WDR86: variants seen among roughly 807,000 people sequenced by gnomAD.
WDR86 encodes WD repeat-containing protein 86.
In WDR86, 30 loss-of-function variants were observed where a neutral mutation model predicts 36.5. The ratio of observed to expected loss-of-function variants is 0.82; its 90% confidence interval spans 0.61 to 1.11. The LOEUF is 1.11. WDR86 is among the 50% of genes most tolerant of loss of function. The pLI, the probability that WDR86 is intolerant of heterozygous loss-of-function variation, is 0.00. For missense variants in WDR86, 545 were observed against 561.2 expected (o/e 0.97, Z 0.29); for synonymous variants, 255 against 252.9 (o/e 1.01, Z -0.08).
chr7:151,395,673 C>T (rs1299742309), intron 3 of WDR86, 103 bp downstream of exon 3: 10 of 1,365,590 alleles, frequency 7.3e-6, no homozygotes, highest in East Asian at 2.5e-5. Flanking sequence ...CCATCTGCAG[C>T]GCTTTGTTAT....
chr7:151,391,073 G>C (rs955213440), intron 3 of WDR86, among the ~76,000 whole-genome samples: 3 of 152,240 alleles, frequency 2.0e-5, no homozygotes, highest in Admixed American at 6.5e-5. Flanking sequence ...TCCTGGACCC[G>C]AGAGGGCCAA....
rs865838692 is a variant in WDR86, at chr7:151,401,576, G to A, written c.164-1335C>T. ...GCCGCAGAGGGAATGGCACATGTTC[G>A]CTATTTTCCTTACACTGGGGAGAGA... On this transcript the variant is annotated intron_variant, in intron 1 of 5. Coordinates refer to ENST00000334493, the MANE Select transcript of WDR86 (RefSeq NM_198285.3). This position sits in a 1 kb window ranked among gnomAD's most constrained non-coding sequence, Gnocchi z 4.3. Among the ~76,000 whole-genome samples, 16 of 152,252 alleles carry A rather than the reference G, an allele frequency of 1.1e-4. No homozygotes were observed. Among genetic ancestry groups the A allele is most frequent in the Middle Eastern group, 3.4e-3 (1 of 294 alleles).
chr7:151,386,976 C>T (rs761768708), intron 3 of WDR86, among the ~76,000 whole-genome samples: 1 of 152,234 alleles, frequency 6.6e-6, no homozygotes, highest in Non-Finnish European at 1.5e-5. Context: ...GATCCTTCTT[C>T]GCACCGCCCC....
At chr7:151,376,887 G>A, downstream of WDR86, 8 of 1,481,924 alleles carry the variant, frequency 5.4e-6, no homozygotes, top group Middle Eastern at 1.8e-4. Flanking sequence ...CCTAAGCCAC[G>A]GCAGATGTGG....
rs2150770396 is a variant in WDR86, at chr7:151,388,126, A to G, written c.727-2903T>C. On this transcript the variant is annotated intron_variant, in intron 3 of 5. Transcript: ENST00000334493. The surrounding 1 kb of genome is among the most constrained non-coding windows in gnomAD (Gnocchi z 4.2). The stretch of plus-strand genomic sequence containing the variant: ...TACGACAGGGCTTTTGCAGCCAGAG[A>G]CTGCCCCACGACATCCTTGCTGTGG... Among the ~76,000 whole-genome samples the G allele has an allele frequency of 6.6e-6, 1 of 152,302 alleles. No homozygotes were observed. The highest frequency in any genetic ancestry group is 1.9e-4 in the East Asian group (1 of 5,174).
At chr7:151,379,245 A>C (rs1798447471), downstream of WDR86, among the ~76,000 whole-genome samples, 2 of 152,148 alleles carry the variant, frequency 1.3e-5, no homozygotes, top group African/African-American at 4.8e-5. Context: ...TGCTGATCAC[A>C]GCGGGGAGGT....
Position 151,400,167 on chromosome 7 carries a change from T to C in WDR86, c.238A>G (p.Arg80Gly). 6.2e-7 allele frequency: 1 copy of C among 1,612,532 alleles called. No homozygotes were observed. The highest frequency in any genetic ancestry group is 8.5e-7 in the Non-Finnish European group (1 of 1,179,286). ...TGCCCGGTCAGCACGTCCCACCTCC[T>C]GATGGTGCAGTCGGCGCTGCATGTG... is the stretch of plus-strand genomic sequence containing the variant. ...AFTCSADCTIRRWDVLTGQCL... is the reference protein window; with the variant it reads ...AFTCSADCTIGRWDVLTGQCL... The change falls in exon 2 of 6, where the codon AGG becomes GGG. Residue 80 changes from arginine (R) to glycine (G), a missense_variant. By Grantham distance (125) the Arg-to-Gly change is moderately radical. Transcript: ENST00000334493.
At chr7:151,376,395 C>T (rs973949095), downstream of WDR86, 4 of 529,354 alleles carry the variant, frequency 7.6e-6, no homozygotes, top group East Asian at 3.1e-5. Context: ...GCTCTCAGCC[C>T]GAGGTCACTG....
intron 3 of WDR86, among the ~76,000 whole-genome samples, chr7:151,389,569 C>G (rs900211909): frequency 9.9e-5 from 15 of 152,198 alleles, no homozygotes; most frequent in African/African-American, 3.4e-4. Flanking sequence ...AGAGGCGACA[C>G]AATGGGGCTC....
At chr7:151,394,333 T>C (rs960007016) in intron 3 of WDR86, among the ~76,000 whole-genome samples, 2 of 152,180 alleles carry the variant, frequency 1.3e-5, no homozygotes, top group Admixed American at 6.5e-5. Context: ...GGGCCGCCTC[T>C]ACCCCTACAA....
chr7:151,379,483 C>G (rs192117561), downstream of WDR86, among the ~76,000 whole-genome samples: 12 of 152,276 alleles, frequency 7.9e-5, no homozygotes, highest in African/African-American at 2.9e-4. Flanking sequence ...CTTGTTTCTT[C>G]ATTCATAGCA....
chr7:151,378,317 T>C (rs1798406893), downstream of WDR86: 1 of 152,240 alleles, frequency 6.6e-6, no homozygotes, highest in Non-Finnish European at 1.5e-5. Context: ...GGATGGATCA[T>C]GCGGAGCCGG....
chr7:151,396,658 G>C (rs2150816544), intron 2 of WDR86, among the ~76,000 whole-genome samples: 1 of 145,060 alleles, frequency 6.9e-6, no homozygotes, highest in Admixed American at 7.0e-5. Context: ...GGACACGCTG[G>C]TCACCCTGGG....
At chr7:151,371,796 G>A (rs1797970556), downstream of WDR86, among the ~76,000 whole-genome samples, 2 of 152,112 alleles carry the variant, frequency 1.3e-5, no homozygotes, top group Admixed American at 6.5e-5. Context: ...CAGGCTGGAG[G>A]GCAGTGGCGT....
At position 151,409,395 on chromosome 7, in the gene WDR86, G is replaced by A; in HGVS notation, c.163+32C>T. 2 of 1,553,044 alleles carry A rather than the reference G, an allele frequency of 1.3e-6. No homozygotes were observed. The highest frequency in any genetic ancestry group is 1.4e-5 in the African/African-American group (1 of 73,620). ...CGGTCTGGGGCCGGTGAGCTGCGGC[G>A]AAGAGGTCAGGGAGGGAGTGGGAGG... On this transcript the variant is annotated intron_variant, in intron 1 of 5. Coordinates refer to ENST00000334493, the MANE Select transcript of WDR86 (RefSeq NM_198285.3). This position sits in a 1 kb window ranked among gnomAD's most constrained non-coding sequence, Gnocchi z 5.2.
chr7:151,369,575 A>G, the WDR86 span, among the ~76,000 whole-genome samples: 2 of 152,242 alleles, frequency 1.3e-5, no homozygotes, highest in Non-Finnish European at 2.9e-5. Flanking sequence ...ATCATTTGAA[A>G]CAATTAAGTA....
chr7:151,390,291 C>T lies in WDR86; in HGVS notation c.727-5068G>A, dbSNP rs1799326487. Among the ~76,000 whole-genome samples, 1 of 152,090 alleles carries T rather than the reference C, an allele frequency of 6.6e-6. No homozygotes were observed. The highest frequency in any genetic ancestry group is 1.5e-5 in the Non-Finnish European group (1 of 68,004). ...GACCAAGCCCAGAGCTCACTGCACA[C>T]CCCCCACATCAGGACCCCATCTGGC... On this transcript the variant is annotated intron_variant, in intron 3 of 5. Coordinates refer to ENST00000334493, the MANE Select transcript of WDR86 (RefSeq NM_198285.3). The surrounding 1 kb of genome is among the most constrained non-coding windows in gnomAD (Gnocchi z 4.5).
chr7:151,408,762 A>C (rs1430551090), intron 1 of WDR86: 2 of 398,110 alleles, frequency 5.0e-6, no homozygotes, highest in African/African-American at 4.1e-5. Context: ...CCCGAGGCAC[A>C]CTGACCTCCT....
intron 1 of WDR86, chr7:151,408,737 C>A: frequency 2.6e-6 from 1 of 385,066 alleles, no homozygotes. Flanking sequence ...TGGGACAGGC[C>A]CAGGGGAAGG....
Sources: allele counts gnomAD v4.1 joint callset (sites outside exome capture counted in the v4.1 genomes callset), GRCh38; gene constraint gnomAD v4.1.1; non-coding constraint Gnocchi (gnomAD v3.1); transcripts MANE v1.5; gene names NCBI Gene and HGNC (gene_info 2026-07-23, HGNC 2026-07-21).